Variants in COL3A1 observed in about 807,000 individuals in gnomAD.
The protein encoded by COL3A1 is collagen alpha-1(III) chain.
COL3A1 carries 46 observed loss-of-function variants against 200.9 expected under a neutral mutation model. The ratio of observed to expected loss-of-function variants is 0.23; its 90% CI spans 0.18 to 0.29. The LOEUF is 0.29. COL3A1 is among the 10% of genes least tolerant of loss of function. The pLI, the probability that COL3A1 is intolerant of heterozygous loss-of-function variation, is 1.00. For synonymous variants in COL3A1, 650 were observed against 628.0 expected, an observed-to-expected ratio of 1.03 and a Z score of -0.52; for missense variants, 1,367 against 1,917.6, an observed-to-expected ratio of 0.71 and a Z score of 5.36.
chr2:188,977,377 A>G (rs1330768893), intron 1 of COL3A1, among the ~76,000 whole-genome samples: 1 of 152,128 alleles, frequency 6.6e-6, no homozygotes, highest in Non-Finnish European at 1.5e-5. Flanking sequence ...AAAACTGTAA[A>G]TGGACTCAGA....
chr2:188,987,564 A>G (rs1688090223), intron 5 of COL3A1, among the ~76,000 whole-genome samples: 1 of 152,142 alleles, frequency 6.6e-6, no homozygotes, highest in Admixed American at 6.6e-5. Flanking sequence ...TGTCCTATGT[A>G]TGATGATTCT....
At chr2:188,984,271 T>C (rs1372647189) in intron 1 of COL3A1, among the ~76,000 whole-genome samples, 2 of 152,022 alleles carry the variant, frequency 1.3e-5, no homozygotes, top group Admixed American at 6.6e-5. Flanking sequence ...GGTAGAGTTT[T>C]ATGCTGCCAA....
At chr2:189,002,610 T>G (rs1299027027) in intron 35 of COL3A1, among the ~76,000 whole-genome samples, 1 of 152,238 alleles carries the variant, frequency 6.6e-6, no homozygotes, top group Non-Finnish European at 1.5e-5. Flanking sequence ...TCTGAATTTT[T>G]GTAAATTCTT....
At chr2:188,996,282 ATGTATATGTATATC>A (rs754417100) in intron 23 of COL3A1, 102 bp from the exon 24 acceptor site, 27 of 766,316 alleles carry the variant, frequency 3.5e-5, no homozygotes, top group South Asian at 2.9e-4. Context: ...ATATATATAT[ATGTATATGTATATC>A]TATATATATA....
Position 188,994,504 on chromosome 2 carries a change from C to A in COL3A1, c.1294-37C>A. 6.2e-7 allele frequency: 1 copy of A among 1,609,332 alleles called. No homozygotes were observed. Among genetic ancestry groups the A allele is most frequent in the South Asian group, 1.1e-5 (1 of 90,968 alleles). ...CTGGTGATGATTTGTTAGTCGAATC[C>A]TCCCTGTGTTTCAACCAAGACTTTG... is the stretch of plus-strand genomic sequence containing the variant. On this transcript the variant is annotated intron_variant, in intron 18 of 50. Transcript: ENST00000304636. The surrounding 1 kb of genome is among the most constrained non-coding windows in gnomAD (Gnocchi z 4.5).
intron 4 of COL3A1, among the ~76,000 whole-genome samples, chr2:188,986,215 T>C (rs1688061475): frequency 6.6e-6 from 1 of 152,048 alleles, no homozygotes; most frequent in Non-Finnish European, 1.5e-5. Context: ...ACAGGATTAT[T>C]TCTGCCTATG....
chr2:188,985,095 G>C (rs1026300411), intron 2 of COL3A1, 102 bp from the exon 3 acceptor site: 1 of 1,429,268 alleles, frequency 7.0e-7, no homozygotes, highest in Admixed American at 1.7e-5. Context: ...CGAGTAAAAA[G>C]TGACCGTTTC....
intron 37 of COL3A1, 105 bp downstream of exon 37, chr2:189,003,569 G>T (rs1688518919): frequency 7.3e-7 from 1 of 1,365,372 alleles, no homozygotes; most frequent in Admixed American, 1.8e-5. Flanking sequence ...TGTAAAAATT[G>T]TAATCGCTCA....
intron 1 of COL3A1, among the ~76,000 whole-genome samples, chr2:188,983,920 A>T (rs1688009024): frequency 6.6e-6 from 1 of 151,980 alleles, no homozygotes; most frequent in South Asian, 2.1e-4. Flanking sequence ...GGCAATTCCT[A>T]AGCTGATTCA....
In COL3A1 at chr2:188,994,203, G is replaced by C. The variant is rs138788528; in HGVS notation, c.1195-31G>C. On this transcript the variant is annotated intron_variant, in intron 17 of 50. Coordinates refer to ENST00000304636, the MANE Select transcript of COL3A1 (RefSeq NM_000090.4). The surrounding 1 kb of genome is among the most constrained non-coding windows in gnomAD (Gnocchi z 4.5). ...TATTCATAAAAGAACATTCAAGTTC[G>C]GCTAATATAGTGTCTTTGGTTTGTT... 1 of 1,612,200 alleles carries C rather than the reference G, an allele frequency of 6.2e-7. No individual in the cohort carries two copies. The highest frequency in any genetic ancestry group is 1.7e-5 in the Admixed American group (1 of 60,004).
intron 50 of COL3A1, among the ~76,000 whole-genome samples, chr2:189,011,364 A>C (rs1688720115): frequency 6.6e-6 from 1 of 152,214 alleles, no homozygotes; most frequent in African/African-American, 2.4e-5. Context: ...CAATGGCCGG[A>C]ACCAGGCCTC....
intron 1 of COL3A1, among the ~76,000 whole-genome samples, chr2:188,975,635 G>A (rs1174362161): frequency 1.3e-5 from 2 of 152,106 alleles, no homozygotes; most frequent in Non-Finnish European, 2.9e-5. Flanking sequence ...GTTTTTGTTT[G>A]TAATATCAAA....
In COL3A1 at chr2:188,989,389, T is replaced by C; in HGVS notation, c.637-7T>C. On this transcript the variant is annotated splice_polypyrimidine_tract_variant and splice_region_variant and intron_variant, in intron 7 of 50. Coordinates refer to ENST00000304636, the MANE Select transcript of COL3A1 (RefSeq NM_000090.4). Reference sequence around the variant, plus strand: ...AATCTATTCATTTTTTATTTCCTTATTTTCAGGGCCCTCCAGGACCTCCTG... The same window carrying C: ...AATCTATTCATTTTTTATTTCCTTACTTTCAGGGCCCTCCAGGACCTCCTG... 6.3e-7 allele frequency: 1 copy of C among 1,591,442 alleles called. No individual in the cohort carries two copies. The highest frequency in any genetic ancestry group is 8.6e-7 in the Non-Finnish European group (1 of 1,166,394).
rs773009530 is a variant in COL3A1 at position 189,006,923 on chromosome 2, T to C, written c.3202-14T>C. 4 of 1,611,714 alleles carry C rather than the reference T, an allele frequency of 2.5e-6. No individual in the cohort carries two copies. Among genetic ancestry groups the C allele is most frequent in the South Asian group, 1.1e-5 (1 of 91,036 alleles). ...TTCCGTGTATGTCTTCTCAATTGAATGTTTTCATCTTAGGGCCCTGCTGGC... is the reference window on the plus strand; with the variant it reads ...TTCCGTGTATGTCTTCTCAATTGAACGTTTTCATCTTAGGGCCCTGCTGGC... On this transcript the variant is annotated splice_polypyrimidine_tract_variant and intron_variant, in intron 43 of 50. Coordinates refer to ENST00000304636, the MANE Select transcript of COL3A1 (RefSeq NM_000090.4).
At position 189,007,823 on chromosome 2, in the gene COL3A1, A is replaced by G; in HGVS notation, c.3364-62A>G. On this transcript the variant is annotated intron_variant, in intron 45 of 50. Coordinates refer to ENST00000304636, the MANE Select transcript of COL3A1 (RefSeq NM_000090.4). ...CCCATGTTTCTTGATCTGATCTTGA[A>G]TGTACAGTTTCCCAGTGCTTTTTAA... is the stretch of plus-strand genomic sequence containing the variant. 3.2e-6 allele frequency: 5 copies of G among 1,573,552 alleles called. No homozygotes were observed. The East Asian group carries it at 6.7e-5, about 21-fold the overall frequency.
intron 10 of COL3A1, 29 bp from the exon 11 acceptor site, chr2:188,990,975 T>C (rs201094842): frequency 1.2e-6 from 2 of 1,606,188 alleles, no homozygotes; most frequent in Non-Finnish European, 1.7e-6. Flanking sequence ...CAGATTTTAA[T>C]AATTTTGCTG....
intron 48 of COL3A1, among the ~76,000 whole-genome samples, chr2:189,009,962 G>A (rs1425934701): frequency 6.6e-6 from 1 of 152,092 alleles, no homozygotes; most frequent in Non-Finnish European, 1.5e-5. Flanking sequence ...ATCCTTATTA[G>A]AAACCAAGAT....
intron 8 of COL3A1, 97 bp from the exon 9 acceptor site, chr2:188,989,998 TC>T (rs1049811804): frequency 9.0e-7 from 1 of 1,108,258 alleles, no homozygotes; most frequent in African/African-American, 1.5e-5. Flanking sequence ...TTTTAATGAG[TC>T]CTTTGTGAGA....
rs747232471 is a variant in COL3A1 at position 188,992,952 on chromosome 2, T to C, written c.1050+12T>C. ...CCCCTGGTGCTAAGGTAAACATGTG[T>C]TTCTATAGAAGGGTATAAAAATATC... On this transcript the variant is annotated intron_variant, in intron 15 of 50. Coordinates refer to ENST00000304636, the MANE Select transcript of COL3A1 (RefSeq NM_000090.4). 1 of 1,613,336 alleles carries C rather than the reference T, an allele frequency of 6.2e-7. No homozygotes were observed. Among genetic ancestry groups the C allele is most frequent in the South Asian group, 1.1e-5 (1 of 91,050 alleles).
Sources: allele counts gnomAD v4.1 joint callset (sites outside exome capture counted in the v4.1 genomes callset), GRCh38; gene constraint gnomAD v4.1.1; non-coding constraint Gnocchi (gnomAD v3.1); transcripts MANE v1.5; gene names NCBI Gene and HGNC (gene_info 2026-07-23, HGNC 2026-07-21).